RSPH1: variants seen among roughly 807,000 people sequenced by gnomAD.
RSPH1 encodes radial spoke head component 1.
In RSPH1, 32 loss-of-function variants were observed where a neutral mutation model predicts 44.2. The ratio of observed to expected loss-of-function variants is 0.72; its 90% CI spans 0.55 to 0.97. RSPH1 has a LOEUF of 0.97. Ranked by LOEUF, RSPH1 falls within the 50% of genes least tolerant of loss-of-function variation. The pLI, the probability that RSPH1 is intolerant of heterozygous loss-of-function variation, is 0.00. For synonymous variants in RSPH1, 134 were observed against 147.3 expected, an observed-to-expected ratio of 0.91 and a Z score of 0.65; for missense variants, 391 against 398.7, an observed-to-expected ratio of 0.98 and a Z score of 0.16.
At chr21:42,482,233 G>A (rs1321476410) in intron 6 of RSPH1, among the ~76,000 whole-genome samples, 7 of 152,114 alleles carry the variant, frequency 4.6e-5, no homozygotes, top group South Asian at 2.1e-4. Context: ...ACAGGCATGC[G>A]CCACCATGCC....
chr21:42,483,885 T>G (rs2054154443), intron 5 of RSPH1, among the ~76,000 whole-genome samples: 1 of 152,246 alleles, frequency 6.6e-6, no homozygotes, highest in Non-Finnish European at 1.5e-5. Context: ...TAGCACTATG[T>G]CTTGACTCCT....
At chr21:42,490,925 T>C (rs2054229742) in intron 3 of RSPH1, among the ~76,000 whole-genome samples, 3 of 152,180 alleles carry the variant, frequency 2.0e-5, no homozygotes, top group Admixed American at 1.3e-4. Flanking sequence ...GCAAGATTTG[T>C]TGAGCTTCTG....
intron 6 of RSPH1, among the ~76,000 whole-genome samples, chr21:42,479,927 C>A (rs1601627786): frequency 6.6e-6 from 1 of 152,162 alleles, no homozygotes; most frequent in South Asian, 2.1e-4. Context: ...GCAACAAAAT[C>A]AAGCATTTTG....
At chr21:42,479,450 T>C (rs2054103760) in intron 6 of RSPH1, among the ~76,000 whole-genome samples, 1 of 152,190 alleles carries the variant, frequency 6.6e-6, no homozygotes. Flanking sequence ...TTCTAGGAAC[T>C]TTTTCCAGTA....
chr21:42,485,612 C>T, intron 5 of RSPH1, 57 bp downstream of exon 5: 1 of 1,603,352 alleles, frequency 6.2e-7, no homozygotes, highest in Non-Finnish European at 8.5e-7. Context: ...TTTGCACAGG[C>T]TGCCAGAGGG....
intron 6 of RSPH1, among the ~76,000 whole-genome samples, chr21:42,480,199 CG>C (rs2054111856): frequency 6.6e-6 from 1 of 152,124 alleles, no homozygotes; most frequent in Non-Finnish European, 1.5e-5. Flanking sequence ...CCGAGAGCCC[CG>C]GGGATGTCCA....
At chr21:42,485,928 T>C in intron 4 of RSPH1, 124 bp from the exon 5 acceptor site, 1 of 1,206,690 alleles carries the variant, frequency 8.3e-7, no homozygotes, top group Non-Finnish European at 1.2e-6. Flanking sequence ...CGATGTAGCT[T>C]CTATATCTGT....
chr21:42,490,976 C>T lies in RSPH1; in HGVS notation c.274+1782G>A, dbSNP rs78834020. ...CATGTGCCAGGAGGGTGGTGCACTC[C>T]ACCTCCACAAGGACAGAAGCTCCTG... is the stretch of plus-strand genomic sequence containing the variant. On this transcript the variant is annotated intron_variant, in intron 3 of 8. Transcript: ENST00000291536. 7.1e-3 allele frequency among the ~76,000 whole-genome samples: 1,085 copies of T among 152,314 alleles called. 7 individuals are homozygous for T. Among genetic ancestry groups the T allele is most frequent in the African/African-American group, 0.024 (996 of 41,572 alleles).
chr21:42,475,847 G>A lies in RSPH1; in HGVS notation c.877+51C>T, dbSNP rs767017018. On this transcript the variant is annotated intron_variant, in intron 8 of 8. Transcript: ENST00000291536. ...GAAGGGAAGGGGAATCCCACTGTTC[G>A]TGGCCCCTAAGTGCGGGCCCTCGCC... 8 of 1,591,104 alleles carry A rather than the reference G, an allele frequency of 5.0e-6. No homozygotes were observed. In the South Asian group the frequency reaches 6.7e-5, roughly 13 times the overall value.
intron 3 of RSPH1, 42 bp from the exon 4 acceptor site, chr21:42,486,503 G>A: frequency 7.3e-7 from 1 of 1,362,416 alleles, no homozygotes; most frequent in Non-Finnish European, 1.1e-6. Flanking sequence ...TGAGAAGAAG[G>A]GATCGATGCC....
At chr21:42,490,452 A>G (rs1372857383) in intron 3 of RSPH1, among the ~76,000 whole-genome samples, 2 of 152,224 alleles carry the variant, frequency 1.3e-5, no homozygotes, top group Non-Finnish European at 2.9e-5. Flanking sequence ...TTACTATGTT[A>G]TAATTAATAT....
chr21:42,496,011 G>T, intron 1 of RSPH1, 122 bp downstream of exon 1: 1 of 1,115,550 alleles, frequency 9.0e-7, no homozygotes, highest in Non-Finnish European at 1.3e-6. Context: ...TCCCTGCCGG[G>T]GATCCTGGGG....
chr21:42,491,085 A>G (rs2054231456), intron 3 of RSPH1, among the ~76,000 whole-genome samples: 1 of 152,164 alleles, frequency 6.6e-6, no homozygotes, highest in Non-Finnish European at 1.5e-5. Flanking sequence ...CTTTACAGTA[A>G]ACATGAGTAA....
chr21:42,488,972 T>C (rs976142349), intron 3 of RSPH1, among the ~76,000 whole-genome samples: 5 of 152,192 alleles, frequency 3.3e-5, no homozygotes, highest in Non-Finnish European at 5.9e-5. Flanking sequence ...ATATTTCTTC[T>C]CAGGAGTAAC....
intron 1 of RSPH1, 63 bp from the exon 2 acceptor site, chr21:42,493,142 C>T: frequency 1.5e-6 from 2 of 1,360,196 alleles, no homozygotes; most frequent in Non-Finnish European, 2.1e-6. Flanking sequence ...AGGTGCTAAG[C>T]ATTTTGTAAA....
chr21:42,488,270 G>A (rs1232736706), intron 3 of RSPH1, among the ~76,000 whole-genome samples: 2 of 152,186 alleles, frequency 1.3e-5, no homozygotes, highest in Admixed American at 6.5e-5. Flanking sequence ...AATACCTAGA[G>A]GGATTTGTCT....
At chr21:42,472,989 A>G in intron 8 of RSPH1, 119 bp from the exon 9 acceptor site, 1 of 666,338 alleles carries the variant, frequency 1.5e-6, no homozygotes. Flanking sequence ...AGCATTCATC[A>G]GTCAAAAATT....
rs2054225185 is a variant in RSPH1 at position 42,490,397 on chromosome 21, T to TCAGC, written c.274+2357_274+2360dup. Among the ~76,000 whole-genome samples, 7 of 152,328 alleles carry TCAGC rather than the reference T, an allele frequency of 4.6e-5. No individual in the cohort carries two copies. The South Asian group carries it at 1.4e-3, about 32-fold the overall frequency. ...GCCAAGATACACTGTTATGAATAAC[T>TCAGC]CAGCCATACATTAACTGAGATTTTG... On this transcript the variant is annotated intron_variant, in intron 3 of 8. Transcript: ENST00000291536.
At chr21:42,475,759 CT>C in intron 8 of RSPH1, 138 bp downstream of exon 8, 1 of 800,176 alleles carries the variant, frequency 1.2e-6, no homozygotes, top group Non-Finnish European at 1.8e-6. Flanking sequence ...CCAGTGAGCG[CT>C]CACAGGGGGC....
Sources: gnomAD v4.1 joint callset for allele counts (sites outside exome capture counted in the v4.1 genomes callset) on GRCh38, gnomAD v4.1.1 for gene constraint, MANE v1.5 for transcripts, NCBI Gene and HGNC (gene_info 2026-07-23, HGNC 2026-07-21) for gene names.